HDAC9: variants seen among roughly 807,000 people sequenced by gnomAD.
The protein encoded by HDAC9 is histone deacetylase 9, also known as MEF-2 interacting transcription repressor (MITR) protein.
HDAC9 carries 41 observed loss-of-function variants against 139.4 expected under a neutral mutation model. That is an observed-to-expected ratio of 0.29 (90% CI 0.23 to 0.38). The LOEUF is 0.38. HDAC9 is among the 10% of genes least tolerant of loss of function. The pLI, the probability that HDAC9 is intolerant of heterozygous loss-of-function variation, is 1.00. For missense variants in HDAC9, 1,147 were observed against 1,297.0 expected, an observed-to-expected ratio of 0.88 and a Z score of 1.78; for synonymous variants, 517 against 476.2, an observed-to-expected ratio of 1.09 and a Z score of -1.12.
chr7:18,748,452 CA>C (rs905511358), intron 13 of HDAC9, among the ~76,000 whole-genome samples: 18 of 152,206 alleles, frequency 1.2e-4, no homozygotes, highest in African/African-American at 4.3e-4. Context: ...GGGAGAAACA[CA>C]AATAAACAAA....
At chr7:18,424,059 T>C (rs919872480) in intron 1 of HDAC9, among the ~76,000 whole-genome samples, 1 of 152,226 alleles carries the variant, frequency 6.6e-6, no homozygotes, top group South Asian at 2.1e-4. Context: ...AGTAATTTTA[T>C]ATTCACTCCT....
upstream of HDAC9, among the ~76,000 whole-genome samples, chr7:18,491,799 T>C (rs751616167): frequency 5.3e-5 from 8 of 151,930 alleles, no homozygotes; most frequent in Non-Finnish European, 1.0e-4. Flanking sequence ...GTCTGTTCTA[T>C]ATGGGTCCCC....
intron 2 of HDAC9, chr7:18,162,439 A>G: frequency 7.8e-7 from 1 of 1,286,060 alleles, no homozygotes; most frequent in Non-Finnish European, 1.1e-6. Flanking sequence ...TAATTTATGA[A>G]GGAACTTTTT....
chr7:18,104,697 C>G (rs1024638903), intron 1 of HDAC9, among the ~76,000 whole-genome samples: 1 of 152,044 alleles, frequency 6.6e-6, no homozygotes, highest in Non-Finnish European at 1.5e-5. Flanking sequence ...TGCCTCTGCT[C>G]TCTCCTTGTC....
chr7:18,479,567 C>A (rs1795380988), intron 1 of HDAC9, among the ~76,000 whole-genome samples: 1 of 152,152 alleles, frequency 6.6e-6, no homozygotes, highest in African/African-American at 2.4e-5. Flanking sequence ...TCTGATAAGG[C>A]ACATACCCTC....
chr7:18,984,604 A>G (rs139693857), intron 25 of HDAC9, among the ~76,000 whole-genome samples: 1 of 152,280 alleles, frequency 6.6e-6, no homozygotes, highest in East Asian at 1.9e-4. Flanking sequence ...ATGGAGAGGA[A>G]GAAAACCTAG....
chr7:18,789,257 C>G (rs760742830), intron 16 of HDAC9, among the ~76,000 whole-genome samples: 6 of 147,796 alleles, frequency 4.1e-5, no homozygotes, highest in Non-Finnish European at 7.5e-5. Flanking sequence ...TGTACTATTA[C>G]TCCTTAATGC....
chr7:18,512,864 A>G (rs771056672), intron 2 of HDAC9, among the ~76,000 whole-genome samples: 6 of 152,234 alleles, frequency 3.9e-5, no homozygotes, highest in Non-Finnish European at 8.8e-5. Flanking sequence ...AAAGCAACAA[A>G]TGGAGAGAAG....
intron 17 of HDAC9, among the ~76,000 whole-genome samples, chr7:18,816,678 T>A (rs2520359): frequency 0.011 from 1,632 of 152,248 alleles, 28 homozygotes; most frequent in African/African-American, 0.038. Context: ...CCCCAATCCA[T>A]TACCAGAGAG....
chr7:18,656,912 G>A lies in HDAC9; in HGVS notation c.1467+8229G>A, dbSNP rs112897397. Among the ~76,000 whole-genome samples the A allele has an allele frequency of 9.5e-3, 1,447 of 152,190 alleles. 18 individuals are homozygous for A. The highest frequency in any genetic ancestry group is 0.033 in the African/African-American group (1,381 of 41,532). On this transcript the variant is annotated intron_variant, in intron 11 of 25. Transcript: ENST00000686413. ...ATTTACATTCCCACCAACAGCGTAC[G>A]ACGGTTCCCCTTTCTCCACGTGCTC...
At chr7:18,758,583 A>T (rs1789089960) in intron 14 of HDAC9, among the ~76,000 whole-genome samples, 1 of 152,086 alleles carries the variant, frequency 6.6e-6, no homozygotes, top group Non-Finnish European at 1.5e-5. Context: ...ATGAAAGGAA[A>T]AGTTGAATGT....
In HDAC9 at chr7:18,799,868, A is replaced by G. The variant is rs562462340; in HGVS notation, c.2322+6416A>G. ...GAATATTTGAAGAAATTACGGCTGAATATTTCCCAAATTCAATAAAAACAT... is the reference window on the plus strand; with the variant it reads ...GAATATTTGAAGAAATTACGGCTGAGTATTTCCCAAATTCAATAAAAACAT... On this transcript the variant is annotated intron_variant, in intron 17 of 25. Transcript: ENST00000686413. Among the ~76,000 whole-genome samples, 4 of 152,346 alleles carry G rather than the reference A, an allele frequency of 2.6e-5. No individual in the cohort carries two copies. The East Asian group carries it at 7.7e-4, about 29-fold the overall frequency.
chr7:18,660,130 A>C (rs1792658752), intron 11 of HDAC9, among the ~76,000 whole-genome samples: 1 of 152,164 alleles, frequency 6.6e-6, no homozygotes, highest in African/African-American at 2.4e-5. Context: ...AATAATTCAA[A>C]TCTGGCAGGC....
intron 8 of HDAC9, among the ~76,000 whole-genome samples, chr7:18,643,126 G>A (rs1472911536): frequency 6.6e-6 from 1 of 151,876 alleles, no homozygotes; most frequent in Non-Finnish European, 1.5e-5. Flanking sequence ...TCTTGTACAG[G>A]TATTCTATAC....
At chr7:18,582,804 A>G (rs893342326) in intron 2 of HDAC9, among the ~76,000 whole-genome samples, 1 of 152,192 alleles carries the variant, frequency 6.6e-6, no homozygotes, top group African/African-American at 2.4e-5. Flanking sequence ...GAAATATGTA[A>G]CACTTCTTGA....
At chr7:18,810,318 A>C (rs765860040) in intron 17 of HDAC9, among the ~76,000 whole-genome samples, 1 of 151,942 alleles carries the variant, frequency 6.6e-6, no homozygotes, top group East Asian at 1.9e-4. Flanking sequence ...TTTAATCTCA[A>C]TCACATCTGC....
intron 6 of HDAC9, among the ~76,000 whole-genome samples, chr7:18,605,692 G>T (rs1835268809): frequency 6.6e-6 from 1 of 151,576 alleles, no homozygotes; most frequent in South Asian, 2.1e-4. Flanking sequence ...TTGTTTGTTT[G>T]TTTTTTGAGA....
intron 2 of HDAC9, chr7:18,578,315 CAT>C (rs1304378750): frequency 2.9e-5 from 14 of 483,424 alleles, no homozygotes; most frequent in Admixed American, 6.6e-5. Context: ...CCCCTTCACA[CAT>C]GTTAGCCTGC....
At chr7:18,305,405 T>C (rs1798841950) in intron 1 of HDAC9, among the ~76,000 whole-genome samples, 1 of 152,178 alleles carries the variant, frequency 6.6e-6, no homozygotes, top group South Asian at 2.1e-4. Context: ...ATTGTTAGTT[T>C]CCCCACTTTC....
Sources: gnomAD v4.1 joint callset for allele counts (sites outside exome capture counted in the v4.1 genomes callset) on GRCh38, gnomAD v4.1.1 for gene constraint, MANE v1.5 for transcripts, NCBI Gene and HGNC (gene_info 2026-07-23, HGNC 2026-07-21) for gene names.